MTMR1: variants seen among roughly 807,000 people sequenced by gnomAD.
MTMR1 encodes the protein myotubularin related protein 1.
A neutral mutation model predicts 51.6 loss-of-function variants in MTMR1; 17 were observed. The observed-to-expected ratio is 0.33, with a 90% CI of 0.23 to 0.49. The LOEUF is 0.49. Among genes scored for constraint, MTMR1 ranks in the 20% least tolerant of loss-of-function variants. MTMR1 has a pLI of 0.99. For missense variants in MTMR1, 386 were observed against 526.9 expected, an observed-to-expected ratio of 0.73 and a Z score of 2.62; for synonymous variants, 201 against 205.6, an observed-to-expected ratio of 0.98 and a Z score of 0.19.
At position 150,754,483 on chromosome X, in the gene MTMR1, G is replaced by A. The variant is rs782352659; in HGVS notation, c.1681-1206G>A. Among the ~76,000 whole-genome samples the A allele has an allele frequency of 3.4e-4, 38 of 112,510 alleles. 1 individual carries two copies. The highest frequency in any genetic ancestry group is 1.7e-4 in the Non-Finnish European group (9 of 53,288). On this transcript the variant is annotated intron_variant, in intron 14 of 15. Coordinates refer to ENST00000445323, the MANE Select transcript of MTMR1 (RefSeq NM_001306144.3). Reference sequence around the variant, plus strand: ...ACTTTGTCATTGTGCTTGATCCATTGTTTAACGTTTACCTGCCTCACCATG... The same window carrying A: ...ACTTTGTCATTGTGCTTGATCCATTATTTAACGTTTACCTGCCTCACCATG...
At chrX:150,751,910 C>CTTT (rs35937277) in intron 14 of MTMR1, among the ~76,000 whole-genome samples, 76 of 41,467 alleles carry the variant, frequency 1.8e-3, no homozygotes, top group East Asian at 6.0e-3. Flanking sequence ...CTTTTTCTTT[C>CTTT]TTTTTTTTTT....
At chrX:150,696,355 C>T (rs1446726403) in intron 1 of MTMR1, among the ~76,000 whole-genome samples, 3 of 111,390 alleles carry the variant, frequency 2.7e-5, no homozygotes, top group Non-Finnish European at 5.7e-5. Flanking sequence ...ATGGGTGGGA[C>T]TTGGCCATGT....
At chrX:150,701,086 A>C (rs781872072) in intron 2 of MTMR1, among the ~76,000 whole-genome samples, 12 of 112,590 alleles carry the variant, frequency 1.1e-4, no homozygotes, top group African/African-American at 3.5e-4. Flanking sequence ...GTCTTTGATG[A>C]ATTATTGTAA....
intron 12 of MTMR1, among the ~76,000 whole-genome samples, chrX:150,740,404 G>A (rs1356312409): frequency 8.9e-6 from 1 of 111,757 alleles, no homozygotes; most frequent in Non-Finnish European, 1.9e-5. Flanking sequence ...TTGACCTTTT[G>A]AATTTCCTCC....
At chrX:150,750,598 T>C (rs186253072) in intron 13 of MTMR1, 132 bp from the exon 14 acceptor site, 41 of 432,499 alleles carry the variant, frequency 9.5e-5, no homozygotes, top group Middle Eastern at 6.7e-4. Flanking sequence ...AGTTGAACTT[T>C]ACATGGGCTC....
chrX:150,718,579 G>C, intron 3 of MTMR1, 46 bp from the exon 4 acceptor site: 4 of 819,845 alleles, frequency 4.9e-6, no homozygotes, highest in Non-Finnish European at 6.1e-6. Context: ...CTCCCGTTTG[G>C]TGTCCTTTTT....
At chrX:150,696,772 G>A (rs2040692659) in intron 1 of MTMR1, among the ~76,000 whole-genome samples, 1 of 109,682 alleles carries the variant, frequency 9.1e-6, no homozygotes, top group Admixed American at 9.7e-5. Context: ...TAAGATGGTA[G>A]GGGTGGGGTG....
At chrX:150,715,086 C>A (rs1355243480) in intron 3 of MTMR1, among the ~76,000 whole-genome samples, 5 of 112,047 alleles carry the variant, frequency 4.5e-5, no homozygotes, top group Non-Finnish European at 9.4e-5. Flanking sequence ...AAGAGAAGAG[C>A]AGCTCCAGGG....
chrX:150,702,011 A>AGAT (rs1289329247), intron 2 of MTMR1, among the ~76,000 whole-genome samples: 2 of 111,129 alleles, frequency 1.8e-5, no homozygotes, highest in African/African-American at 6.5e-5. Context: ...AGTGATTTTA[A>AGAT]GATTTTGTCC....
chrX:150,725,672 G>A (rs1557416733), intron 4 of MTMR1, among the ~76,000 whole-genome samples: 1 of 111,561 alleles, frequency 9.0e-6, no homozygotes. Flanking sequence ...CCTTTATGCT[G>A]TTGTTGTCAT....
At chrX:150,732,383 A>G (rs1340649270) in intron 9 of MTMR1, among the ~76,000 whole-genome samples, 159 bp from the exon 10 acceptor site, 3 of 111,646 alleles carry the variant, frequency 2.7e-5, no homozygotes, top group Non-Finnish European at 5.6e-5. Flanking sequence ...ATTGAGTCTG[A>G]TGGCCACTAC....
chrX:150,727,487 C>T (rs1557416815), intron 5 of MTMR1, among the ~76,000 whole-genome samples, 178 bp downstream of exon 5: 1 of 112,155 alleles, frequency 8.9e-6, no homozygotes, highest in East Asian at 2.8e-4. Context: ...GTTAAAGTAC[C>T]GCTTAAACCT....
At position 150,764,796 on chromosome X, in the gene MTMR1, TTAAG is replaced by T. The variant is rs782133690; in HGVS notation, c.*2077_*2080del. 3.5e-5 allele frequency: 4 copies of T among 112,982 alleles called. No homozygotes were observed. Among genetic ancestry groups the T allele is most frequent in the African/African-American group, 1.3e-4 (4 of 31,101 alleles). 9.3% of individuals were successfully genotyped at this position (112,982 alleles called of 1,213,427 possible). A position where few individuals can be genotyped will look rare whatever the true frequency, so the allele number is the denominator to read the frequency against. Reference sequence around the variant, plus strand: ...TTTTGTTATCTAAGCAATTTTTGTTTTAAGTAAGTAAGTGTACTAGAATGCGAAG... The same window carrying T: ...TTTTGTTATCTAAGCAATTTTTGTTTTAAGTAAGTGTACTAGAATGCGAAG... On this transcript the variant is annotated 3_prime_UTR_variant, in exon 16 of 16. Coordinates refer to ENST00000445323, the MANE Select transcript of MTMR1 (RefSeq NM_001306144.3).
At chrX:150,711,502 A>G (rs2041305579) in intron 2 of MTMR1, among the ~76,000 whole-genome samples, 1 of 112,346 alleles carries the variant, frequency 8.9e-6, no homozygotes, top group Non-Finnish European at 1.9e-5. Context: ...TTCCCAGGCT[A>G]TTACAACTAT....
intron 1 of MTMR1, 80 bp downstream of exon 1, chrX:150,693,756 C>T: frequency 1.5e-6 from 1 of 657,908 alleles, no homozygotes; most frequent in Non-Finnish European, 1.8e-6. Flanking sequence ...GCCCCCTCCC[C>T]GCGCGCTGCG....
intron 7 of MTMR1, among the ~76,000 whole-genome samples, 155 bp downstream of exon 7, chrX:150,730,365 G>T (rs2042079694): frequency 9.1e-6 from 1 of 110,246 alleles, no homozygotes; most frequent in African/African-American, 3.3e-5. Context: ...TCAGTTCTGG[G>T]TAATGCTTAA....
chrX:150,746,019 A>G (rs2042566774), intron 13 of MTMR1, among the ~76,000 whole-genome samples: 1 of 112,385 alleles, frequency 8.9e-6, no homozygotes, highest in African/African-American at 3.2e-5. Context: ...ATTGAAATGC[A>G]GATTCTGATT....
At position 150,762,604 on chromosome X, in the gene MTMR1, AGG is replaced by A; in HGVS notation, c.1899_1900del (p.Arg633SerfsTer24). The A allele has an allele frequency of 8.3e-7, 1 of 1,212,036 alleles. No individual in the cohort carries two copies. The highest frequency in any genetic ancestry group is 1.1e-6 in the Non-Finnish European group (1 of 895,536). On this transcript the variant is annotated frameshift_variant, in exon 16 of 16. Transcript: ENST00000445323. LOFTEE classifies it low-confidence loss of function (END_TRUNC). Reference sequence around the variant, plus strand: ...GAATCTCAAGGAGCTGCTGGCCGTCAGGGCGGAGCTGCAGAAGCGTGTGGAGG... The same window carrying A: ...GAATCTCAAGGAGCTGCTGGCCGTCAGCGGAGCTGCAGAAGCGTGTGGAGG... ...HQNLKELLAV[R>X]AELQKRVEGL...
At chrX:150,761,262 C>T (rs377575952) in intron 15 of MTMR1, among the ~76,000 whole-genome samples, 162 of 112,277 alleles carry the variant, frequency 1.4e-3, no homozygotes, top group Admixed American at 3.1e-3. Context: ...CACTCCACTC[C>T]TGTCCCCTCT....
Sources: allele counts gnomAD v4.1 joint callset (sites outside exome capture counted in the v4.1 genomes callset), GRCh38; gene constraint gnomAD v4.1.1; transcripts MANE v1.5; gene names NCBI Gene and HGNC (gene_info 2026-07-23, HGNC 2026-07-21).